Variants in DDX1 observed in about 807,000 individuals in gnomAD.
DDX1 encodes the protein DEAD-box helicase 1.
In DDX1, 28 loss-of-function variants were observed where a neutral mutation model predicts 108.7. That is an observed-to-expected ratio of 0.26 (90% CI 0.19 to 0.35). The LOEUF (loss-of-function observed/expected upper bound fraction) is 0.35. Ranked by LOEUF, DDX1 falls within the 10% of genes least tolerant of loss-of-function variation. The pLI is 1.00. For synonymous variants in DDX1, 295 were observed against 288.9 expected, an observed-to-expected ratio of 1.02 and a Z score of -0.21; for missense variants, 710 against 884.5, an observed-to-expected ratio of 0.80 and a Z score of 2.50.
intron 14 of DDX1, among the ~76,000 whole-genome samples, chr2:15,616,793 G>A (rs1004362433): frequency 2.6e-5 from 4 of 152,122 alleles, no homozygotes; most frequent in African/African-American, 4.8e-5. Context: ...AGTGCTTTAC[G>A]CATCTTATCT....
At position 15,604,559 on chromosome 2, in the gene DDX1, A is replaced by T. The variant is rs780823263; in HGVS notation, c.625+50A>T. The T allele has an allele frequency of 3.1e-6, 4 of 1,275,750 alleles. No homozygotes were observed. The South Asian group carries it at 4.9e-5, about 16-fold the overall frequency. The allele number at this position is 1,275,750 out of a possible 1,614,324, so 79.0% of individuals were successfully genotyped here. Reference sequence around the variant, plus strand: ...GTGAAAAGATACATGATATTCAATAATTGTGGTTTTTAAAAATCCCCCCAC... The same window carrying T: ...GTGAAAAGATACATGATATTCAATATTTGTGGTTTTTAAAAATCCCCCCAC... On this transcript the variant is annotated intron_variant, in intron 10 of 25. Transcript: ENST00000233084.
intron 1 of DDX1, among the ~76,000 whole-genome samples, chr2:15,592,611 G>A (rs1665433906): frequency 6.6e-6 from 1 of 152,114 alleles, no homozygotes; most frequent in Admixed American, 6.6e-5. Context: ...TTCCAAATAT[G>A]ATTTGATATG....
At chr2:15,606,356 T>C (rs1665662148) in intron 12 of DDX1, 92 bp downstream of exon 12, 2 of 831,022 alleles carry the variant, frequency 2.4e-6, no homozygotes, top group South Asian at 1.8e-5. Context: ...GAGTTACATA[T>C]ACTTTCCTTG....
Position 15,629,662 on chromosome 2 carries a change from G to A in DDX1, c.1936G>A (p.Asp646Asn). ...GTGTTATAACACAAGACTCAAGGAAGATGGAGGCTGTACCATATGGTACAA... is the reference window on the plus strand; with the variant it reads ...GTGTTATAACACAAGACTCAAGGAAAATGGAGGCTGTACCATATGGTACAA... ...KGCYNTRLKE[D>N]GGCTIWYNEM... The change falls in exon 24 of 26, where the codon GAT (aspartate) becomes AAT (asparagine). Residue 646 changes from aspartate (D) to asparagine (N), a missense_variant. By Grantham distance (23) the Asp-to-Asn change is conservative. Coordinates refer to ENST00000233084, the MANE Select transcript of DDX1 (RefSeq NM_004939.3). 3.8e-6 allele frequency: 6 copies of A among 1,589,724 alleles called. No homozygotes were observed. Among genetic ancestry groups the A allele is most frequent in the Non-Finnish European group, 5.1e-6 (6 of 1,172,698 alleles).
At position 15,627,067 on chromosome 2, in the gene DDX1, A is replaced by G; in HGVS notation, c.1608A>G (p.Lys536=). The G allele has an allele frequency of 6.2e-7, 1 of 1,607,716 alleles. No homozygotes were observed. Among genetic ancestry groups the G allele is most frequent in the Non-Finnish European group, 8.5e-7 (1 of 1,176,842 alleles). ...FIQQGGGPDK[K]GHQFSCVCLH... ...GCTTTTCACTAGGACCTGATAAAAA[A>G]GGACACCAGTTCTCATGTGTTTGTC... Residue 536 remains lysine (K), a synonymous_variant, in exon 20 of 26, where the codon AAA becomes AAG. Coordinates refer to ENST00000233084, the MANE Select transcript of DDX1 (RefSeq NM_004939.3).
intron 1 of DDX1, among the ~76,000 whole-genome samples, chr2:15,592,593 C>T (rs954487409): frequency 1.3e-5 from 2 of 152,290 alleles, no homozygotes; most frequent in Admixed American, 1.3e-4. Flanking sequence ...GTCTGCTACC[C>T]TCCTTTATTC....
chr2:15,616,437 G>A (rs1042097085), intron 14 of DDX1, among the ~76,000 whole-genome samples: 22 of 152,184 alleles, frequency 1.4e-4, no homozygotes, highest in African/African-American at 5.3e-4. Context: ...AAACCTGTGT[G>A]TCTAATCACC....
intron 19 of DDX1, among the ~76,000 whole-genome samples, chr2:15,624,319 T>C (rs1666062498): frequency 6.6e-6 from 1 of 152,192 alleles, no homozygotes; most frequent in South Asian, 2.1e-4. Context: ...CAAGCTACAA[T>C]GGAAGTATAA....
intron 5 of DDX1, 144 bp downstream of exon 5, chr2:15,597,615 AG>A (rs1304033409): frequency 2.1e-5 from 13 of 612,030 alleles, no homozygotes; most frequent in Non-Finnish European, 3.5e-5. Flanking sequence ...CCTGGAAACC[AG>A]GGATGCTAAA....
At chr2:15,629,126 A>G (rs1666149331) in intron 23 of DDX1, among the ~76,000 whole-genome samples, 1 of 152,168 alleles carries the variant, frequency 6.6e-6, no homozygotes, top group South Asian at 2.1e-4. Flanking sequence ...AAGACCTTTC[A>G]TGGTGAGGGG....
chr2:15,629,786 C>G, intron 24 of DDX1, 89 bp downstream of exon 24: 1 of 1,114,848 alleles, frequency 9.0e-7, no homozygotes, highest in Non-Finnish European at 1.3e-6. Flanking sequence ...TGGCTTTTAT[C>G]TGTTTGTCAC....
chr2:15,626,310 T>C (rs758577543), intron 19 of DDX1, among the ~76,000 whole-genome samples: 1 of 152,182 alleles, frequency 6.6e-6, no homozygotes, highest in Non-Finnish European at 1.5e-5. Flanking sequence ...TTAGCTGTTA[T>C]TTCACCTCTG....
intron 5 of DDX1, 65 bp from the exon 6 acceptor site, chr2:15,599,604 C>A: frequency 1.5e-6 from 2 of 1,299,646 alleles, no homozygotes; most frequent in Non-Finnish European, 2.2e-6. Context: ...TGAGTCACCG[C>A]ACCCGGCCAA....
At chr2:15,595,919 CTG>C (rs1221614521) in intron 3 of DDX1, among the ~76,000 whole-genome samples, 1 of 152,122 alleles carries the variant, frequency 6.6e-6, no homozygotes, top group Non-Finnish European at 1.5e-5. Context: ...AGGCCAAGCT[CTG>C]TTGCCCAAGC....
intron 18 of DDX1, among the ~76,000 whole-genome samples, chr2:15,622,670 A>G (rs1666032202): frequency 2.0e-5 from 3 of 152,218 alleles, no homozygotes. Context: ...AGTTATCCTT[A>G]TTGTTGGAGA....
chr2:15,593,030 C>T (rs907352584), intron 1 of DDX1, among the ~76,000 whole-genome samples: 4 of 152,034 alleles, frequency 2.6e-5, no homozygotes, highest in Admixed American at 6.6e-5. Flanking sequence ...AAGCAATTCT[C>T]CTGCCTCAGC....
intron 14 of DDX1, among the ~76,000 whole-genome samples, 171 bp downstream of exon 14, chr2:15,613,455 T>C (rs921425268): frequency 4.6e-5 from 7 of 152,210 alleles, no homozygotes; most frequent in African/African-American, 1.4e-4. Flanking sequence ...CCTGGAAGTA[T>C]ACAAAGTCTC....
In DDX1 at chr2:15,629,716, C is replaced by A; in HGVS notation, c.1971+19C>A. On this transcript the variant is annotated intron_variant, in intron 24 of 25. Coordinates refer to ENST00000233084, the MANE Select transcript of DDX1 (RefSeq NM_004939.3). ...GATGCAGGTAAGACTTCGAGTTAGG[C>A]TCACAAATAATGTATTAAAATGGTA... The A allele has an allele frequency of 2.7e-6, 4 of 1,500,598 alleles. No homozygotes were observed. The highest frequency in any genetic ancestry group is 1.4e-5 in the African/African-American group (1 of 69,720). The allele number at this position is 1,500,598 out of a possible 1,614,324, so 93.0% of individuals were successfully genotyped here. A position where few individuals can be genotyped will look rare whatever the true frequency, so the allele number is the denominator to read the frequency against.
At chr2:15,627,232 C>A in intron 20 of DDX1, 87 bp downstream of exon 20, 1 of 697,834 alleles carries the variant, frequency 1.4e-6, no homozygotes, top group South Asian at 2.1e-5. Context: ...ATTATTAAAG[C>A]AATTATTGTC....
Sources: gnomAD v4.1 joint callset for allele counts (sites outside exome capture counted in the v4.1 genomes callset) on GRCh38, gnomAD v4.1.1 for gene constraint, MANE v1.5 for transcripts, NCBI Gene and HGNC (gene_info 2026-07-23, HGNC 2026-07-21) for gene names.